The following CA10 variants were observed in gnomAD, a reference collection of about 807,000 sequenced individuals.
CA10 encodes carbonic anhydrase 10 (inactive), also known as carbonic anhydrase-related protein 10.
In CA10, 14 loss-of-function variants were observed where a neutral mutation model predicts 44.2. The observed-to-expected ratio is 0.32, with a 90% CI of 0.21 to 0.50. CA10 has a LOEUF of 0.50. Ranked by LOEUF, CA10 falls within the 20% of genes least tolerant of loss-of-function variation. CA10 has a pLI of 0.99. For synonymous variants in CA10, 159 were observed against 141.6 expected, an observed-to-expected ratio of 1.12 and a Z score of -0.87; for missense variants, 350 against 409.7, an observed-to-expected ratio of 0.85 and a Z score of 1.26.
At chr17:52,098,064 G>C (rs1319465736) in intron 1 of CA10, among the ~76,000 whole-genome samples, 1 of 152,150 alleles carries the variant, frequency 6.6e-6, no homozygotes. Flanking sequence ...CTGTGCTGCA[G>C]CTGGCCTGTT....
At chr17:51,739,084 T>C (rs1311793944) in intron 4 of CA10, among the ~76,000 whole-genome samples, 2 of 152,166 alleles carry the variant, frequency 1.3e-5, no homozygotes, top group Admixed American at 1.3e-4. Flanking sequence ...TCCAGGTCTA[T>C]GTCTGGAAGT....
chr17:51,847,683 G>T (rs1978556571), intron 3 of CA10, among the ~76,000 whole-genome samples: 1 of 152,156 alleles, frequency 6.6e-6, no homozygotes, highest in Admixed American at 6.5e-5. Flanking sequence ...GTGGGATATG[G>T]TATTTGTGCA....
intron 3 of CA10, among the ~76,000 whole-genome samples, chr17:51,787,298 C>A (rs1220547953): frequency 6.6e-6 from 1 of 152,042 alleles, no homozygotes; most frequent in East Asian, 1.9e-4. Flanking sequence ...TCAACTATGG[C>A]TTTTATCTTA....
intron 2 of CA10, among the ~76,000 whole-genome samples, chr17:51,983,950 C>CT (rs1984740146): frequency 2.0e-5 from 3 of 151,710 alleles, no homozygotes; most frequent in African/African-American, 7.2e-5. Flanking sequence ...GATTTCTGTT[C>CT]TTTTTGGCAA....
At chr17:51,700,466 C>T (rs948002429) in intron 4 of CA10, among the ~76,000 whole-genome samples, 1 of 152,146 alleles carries the variant, frequency 6.6e-6, no homozygotes, top group Non-Finnish European at 1.5e-5. Flanking sequence ...CCACATTGGC[C>T]TCCTTGGTGC....
At chr17:52,010,872 G>C (rs1310463205) in intron 2 of CA10, among the ~76,000 whole-genome samples, 2 of 151,798 alleles carry the variant, frequency 1.3e-5, no homozygotes, top group East Asian at 1.9e-4. Context: ...TCTATCAGTA[G>C]ATGTATCATT....
chr17:51,802,231 G>A (rs1906959350), intron 3 of CA10, among the ~76,000 whole-genome samples: 1 of 152,186 alleles, frequency 6.6e-6, no homozygotes, highest in Admixed American at 6.5e-5. Context: ...CAGGGAGACA[G>A]TATCCTAGCA....
chr17:52,156,726 C>T (rs1054239386), intron 1 of CA10, among the ~76,000 whole-genome samples: 2 of 152,170 alleles, frequency 1.3e-5, no homozygotes, highest in African/African-American at 4.8e-5. Context: ...GGGAAGTTGG[C>T]CGAGTCCCCA....
chr17:51,881,027 GGA>G (rs1980342955), intron 3 of CA10, among the ~76,000 whole-genome samples: 1 of 151,922 alleles, frequency 6.6e-6, no homozygotes, highest in Non-Finnish European at 1.5e-5. Flanking sequence ...CATGAGGTCA[GGA>G]GATCGAGACC....
chr17:52,049,909 A>T (rs1039318531), intron 2 of CA10, among the ~76,000 whole-genome samples: 9 of 152,196 alleles, frequency 5.9e-5, no homozygotes, highest in African/African-American at 2.2e-4. Context: ...ATATATTTGG[A>T]TACACAAATA....
At chr17:52,002,152 T>C (rs141034671) in intron 2 of CA10, among the ~76,000 whole-genome samples, 1 of 151,910 alleles carries the variant, frequency 6.6e-6, no homozygotes, top group African/African-American at 2.4e-5. Flanking sequence ...TGTATACATA[T>C]GTAACAAACC....
At chr17:52,009,152 C>A (rs1985702133) in intron 2 of CA10, among the ~76,000 whole-genome samples, 1 of 151,862 alleles carries the variant, frequency 6.6e-6, no homozygotes. Context: ...TAAAGCTTTT[C>A]TTTATAGTGA....
chr17:52,047,954 T>C (rs1290298692), intron 2 of CA10, among the ~76,000 whole-genome samples: 1 of 151,784 alleles, frequency 6.6e-6, no homozygotes, highest in Non-Finnish European at 1.5e-5. Flanking sequence ...TTTCATTTGG[T>C]CTTATTTAGA....
chr17:52,059,106 T>G (rs1395559537), intron 2 of CA10, among the ~76,000 whole-genome samples: 1 of 152,142 alleles, frequency 6.6e-6, no homozygotes, highest in African/African-American at 2.4e-5. Context: ...GCTTGCTTCC[T>G]CTTAGAGATG....
chr17:51,845,680 A>G (rs1415995296), intron 3 of CA10, among the ~76,000 whole-genome samples: 1 of 152,220 alleles, frequency 6.6e-6, no homozygotes, highest in Non-Finnish European at 1.5e-5. Context: ...TAAGGCTCTG[A>G]TAACTTTTTA....
chr17:52,136,192 A>G (rs1489217000), intron 1 of CA10, among the ~76,000 whole-genome samples: 1 of 152,220 alleles, frequency 6.6e-6, no homozygotes, highest in Non-Finnish European at 1.5e-5. Context: ...CTGGATGCCT[A>G]AAAGCACTTC....
chr17:51,944,341 C>T (rs1983194286), intron 2 of CA10, among the ~76,000 whole-genome samples: 1 of 152,136 alleles, frequency 6.6e-6, no homozygotes, highest in African/African-American at 2.4e-5. Flanking sequence ...ATGTGGCCTC[C>T]AACAGGCACT....
chr17:51,854,625 A>G (rs1419066980), intron 3 of CA10, among the ~76,000 whole-genome samples: 4 of 152,040 alleles, frequency 2.6e-5, no homozygotes, highest in Admixed American at 6.6e-5. Flanking sequence ...AGGACTGTGG[A>G]GGGTCCCTGG....
intron 4 of CA10, among the ~76,000 whole-genome samples, chr17:51,683,932 G>A (rs1056282256): frequency 3.9e-5 from 6 of 152,154 alleles, no homozygotes; most frequent in African/African-American, 1.4e-4. Flanking sequence ...TCCTAAGCCT[G>A]GTCCCACCCT....
Sources: gnomAD v4.1 joint callset for allele counts (sites outside exome capture counted in the v4.1 genomes callset) on GRCh38, gnomAD v4.1.1 for gene constraint, MANE v1.5 for transcripts, NCBI Gene and HGNC (gene_info 2026-07-23, HGNC 2026-07-21) for gene names.